Variants in ELAVL4 observed in about 807,000 individuals in gnomAD.
ELAVL4 encodes the protein ELAV-like protein 4.
In ELAVL4, 1 loss-of-function variant was observed where a neutral mutation model predicts 35.6. The ratio of observed to expected loss-of-function variants is 0.03; its 90% CI spans 0.01 to 0.13. ELAVL4 has a LOEUF of 0.13. ELAVL4 is among the 10% of genes least tolerant of loss of function. The pLI, the probability that ELAVL4 is intolerant of heterozygous loss-of-function variation, is 1.00. For synonymous variants in ELAVL4, 156 were observed against 171.0 expected (o/e 0.91, Z 0.69); for missense variants, 267 against 464.9 (o/e 0.57, Z 3.91).
chr1:50,050,202 G>A (rs888169553), intron 1 of ELAVL4, among the ~76,000 whole-genome samples: 2 of 152,164 alleles, frequency 1.3e-5, no homozygotes, highest in African/African-American at 4.8e-5. Context: ...TATTATATAT[G>A]TACAGTGCCT....
At position 50,146,039 on chromosome 1, in the gene ELAVL4, CTG is replaced by C. The variant is rs746235072; in HGVS notation, c.250+843_250+844del. ...ATGATGGCAGTGAAGCTGCTACTCT[CTG>C]ATACTCCACTCCTGAAATCATTCAT... is the stretch of plus-strand genomic sequence containing the variant. On this transcript the variant is annotated intron_variant, in intron 2 of 6. Coordinates refer to ENST00000371824, the MANE Select transcript of ELAVL4 (RefSeq NM_001144774.3). Among the ~76,000 whole-genome samples the C allele has an allele frequency of 4.6e-5, 7 of 152,294 alleles. No individual in the cohort carries two copies. The East Asian group carries it at 1.2e-3, about 25-fold the overall frequency.
At chr1:50,071,831 G>C (rs747867211) in intron 1 of ELAVL4, among the ~76,000 whole-genome samples, 16 of 152,102 alleles carry the variant, frequency 1.1e-4, no homozygotes, top group Non-Finnish European at 1.6e-4. Context: ...ATGGGAGGAG[G>C]AGAGGCTCCC....
At chr1:50,119,455 C>T (rs988078655) in intron 1 of ELAVL4, among the ~76,000 whole-genome samples, 1 of 152,028 alleles carries the variant, frequency 6.6e-6, no homozygotes, top group Non-Finnish European at 1.5e-5. Context: ...TTAGGACCTT[C>T]TTGCTAGGTA....
intron 1 of ELAVL4, among the ~76,000 whole-genome samples, chr1:50,065,961 AAAGT>A (rs932480736): frequency 5.9e-5 from 9 of 152,188 alleles, no homozygotes; most frequent in Non-Finnish European, 1.0e-4. Flanking sequence ...AGAGAGAGCG[AAAGT>A]AAGGAAGAAG....
intron 2 of ELAVL4, among the ~76,000 whole-genome samples, chr1:50,172,508 G>A (rs540225548): frequency 2.6e-5 from 4 of 152,220 alleles, no homozygotes; most frequent in African/African-American, 7.2e-5. Flanking sequence ...CAGCTCATGG[G>A]CCAAATTGGG....
chr1:50,141,135 G>A (rs1442697453), intron 1 of ELAVL4, among the ~76,000 whole-genome samples: 1 of 152,164 alleles, frequency 6.6e-6, no homozygotes, highest in Non-Finnish European at 1.5e-5. Flanking sequence ...CTTTCACCAC[G>A]TGTCTGAAAA....
chr1:50,178,655 G>C (rs571068110), intron 3 of ELAVL4, among the ~76,000 whole-genome samples: 3 of 152,178 alleles, frequency 2.0e-5, no homozygotes, highest in African/African-American at 7.2e-5. Context: ...TTAATTATGG[G>C]GTAGTCCTCT....
chr1:50,069,235 C>G (rs924972919), intron 1 of ELAVL4, among the ~76,000 whole-genome samples: 2 of 152,130 alleles, frequency 1.3e-5, no homozygotes, highest in Non-Finnish European at 2.9e-5. Context: ...GACAAGGACA[C>G]CTCATTCTCT....
At chr1:50,055,164 A>G (rs1663587934) in intron 1 of ELAVL4, among the ~76,000 whole-genome samples, 1 of 152,198 alleles carries the variant, frequency 6.6e-6, no homozygotes, top group South Asian at 2.1e-4. Context: ...TTTAAAAACG[A>G]CAGTCTTGGA....
intron 3 of ELAVL4, among the ~76,000 whole-genome samples, chr1:50,182,665 A>G (rs1681227023): frequency 6.6e-6 from 1 of 152,134 alleles, no homozygotes; most frequent in Non-Finnish European, 1.5e-5. Flanking sequence ...ATGAAACCAG[A>G]GCTTGCAGGC....
Position 50,109,015 on chromosome 1 carries a change from T to TCGGGGGCGG in ELAVL4, c.-174_-173insGGGGGCGGC. 4.2e-6 allele frequency: 4 copies of TCGGGGGCGG among 961,060 alleles called. No individual in the cohort carries two copies. The highest frequency in any genetic ancestry group is 4.9e-6 in the Non-Finnish European group (4 of 816,942). 59.5% of individuals were successfully genotyped at this position (961,060 alleles called of 1,614,324 possible). On this transcript the variant is annotated 5_prime_UTR_variant, in exon 1 of 7. Transcript: ENST00000371824. ...GCTCCTTTTCTTTTTTTTCTTTCTCTCCCCCGCCCACCCCCCCAAAAATAA... is the reference window on the plus strand; with the variant it reads ...GCTCCTTTTCTTTTTTTTCTTTCTCTCGGGGGCGGCCCCCGCCCACCCCCCCAAAAATAA...
chr1:50,183,625 C>T (rs1681391240), intron 3 of ELAVL4, among the ~76,000 whole-genome samples: 1 of 152,188 alleles, frequency 6.6e-6, no homozygotes, highest in Non-Finnish European at 1.5e-5. Context: ...CTCCGGGGGT[C>T]TTTCCACACT....
At chr1:50,055,207 C>A (rs1572097537) in intron 1 of ELAVL4, among the ~76,000 whole-genome samples, 1 of 152,202 alleles carries the variant, frequency 6.6e-6, no homozygotes, top group Non-Finnish European at 1.5e-5. Context: ...AATAGATATC[C>A]AGTAAATGAC....
Position 50,109,923 on chromosome 1 carries a change from ATCT to A in ELAVL4, c.9+732_9+734del, listed in dbSNP as rs780610983. On this transcript the variant is annotated intron_variant, in intron 1 of 6. Coordinates refer to ENST00000371824, the MANE Select transcript of ELAVL4 (RefSeq NM_001144774.3). ...CTTTTGACACACTGTGTGAGGGTCC[ATCT>A]TCTTCTGATCACAGATGGAGTGGAA... 8.7e-6 allele frequency: 14 copies of A among 1,612,178 alleles called. 1 individual carries two copies. Among genetic ancestry groups the A allele is most frequent in the South Asian group, 4.4e-5 (4 of 90,986 alleles).
intron 1 of ELAVL4, 121 bp downstream of exon 1, chr1:50,109,319 C>T: frequency 9.9e-7 from 1 of 1,014,262 alleles, no homozygotes; most frequent in Non-Finnish European, 1.5e-6. Context: ...TTGGTTCCTA[C>T]ATTTACTATC....
intron 1 of ELAVL4, among the ~76,000 whole-genome samples, chr1:50,072,979 G>A (rs1173509232): frequency 6.6e-6 from 1 of 152,134 alleles, no homozygotes; most frequent in Non-Finnish European, 1.5e-5. Context: ...TTCACCTTTA[G>A]TCCCCATCTA....
At chr1:50,199,549 T>C (rs909255585) in intron 6 of ELAVL4, among the ~76,000 whole-genome samples, 1 of 152,018 alleles carries the variant, frequency 6.6e-6, no homozygotes, top group Non-Finnish European at 1.5e-5. Context: ...CTACTAAAAA[T>C]ACAAAAAAAT....
At chr1:50,152,491 A>G (rs1028128597) in intron 2 of ELAVL4, among the ~76,000 whole-genome samples, 2 of 152,104 alleles carry the variant, frequency 1.3e-5, no homozygotes, top group African/African-American at 2.4e-5. Context: ...GATTGAGACT[A>G]GGAACTAAGG....
At chr1:50,090,049 A>G (rs1323924117) in intron 1 of ELAVL4, among the ~76,000 whole-genome samples, 8 of 152,116 alleles carry the variant, frequency 5.3e-5, no homozygotes, top group African/African-American at 9.7e-5. Flanking sequence ...GGCATCAGAG[A>G]GTTGGGTGGA....
Sources: gnomAD v4.1 joint callset for allele counts (sites outside exome capture counted in the v4.1 genomes callset) on GRCh38, gnomAD v4.1.1 for gene constraint, MANE v1.5 for transcripts, NCBI Gene and HGNC (gene_info 2026-07-23, HGNC 2026-07-21) for gene names.